The following PCDH15 variants were observed in gnomAD, a reference collection of about 807,000 sequenced individuals.
PCDH15 encodes the protein protocadherin related 15.
PCDH15 carries 129 observed loss-of-function variants against 178.5 expected under a neutral mutation model. The observed-to-expected ratio is 0.72, with a 90% CI of 0.63 to 0.84. The LOEUF (loss-of-function observed/expected upper bound fraction) is 0.84. Among genes scored for constraint, PCDH15 ranks in the 40% least tolerant of loss-of-function variants. PCDH15 has a pLI of 0.00. For missense variants in PCDH15, 2,230 were observed against 2,099.9 expected, an observed-to-expected ratio of 1.06 and a Z score of -1.21; for synonymous variants, 800 against 732.0, an observed-to-expected ratio of 1.09 and a Z score of -1.50.
chr10:54,686,753 CTA>C (rs2095019514), intron 1 of PCDH15, among the ~76,000 whole-genome samples: 1 of 152,012 alleles, frequency 6.6e-6, no homozygotes, highest in African/African-American at 2.4e-5. Flanking sequence ...TTCCAGTATT[CTA>C]TATGTCTGTT....
At position 55,073,350 on chromosome 10, in the gene PCDH15, C is replaced by T. The variant is rs574925605; in HGVS notation, c.-80+93226G>A. Among the ~76,000 whole-genome samples the T allele has an allele frequency of 2.6e-3, 392 of 152,008 alleles. 2 individuals carry two copies. The highest frequency in any genetic ancestry group is 9.0e-3 in the African/African-American group (373 of 41,466). Reference sequence around the variant, plus strand: ...GACATGATTGTATATCTAGAAAACCCCATTGTCTCAGCCCAAAATCTCCTT... The same window carrying T: ...GACATGATTGTATATCTAGAAAACCTCATTGTCTCAGCCCAAAATCTCCTT... On this transcript the variant is annotated intron_variant, in intron 2 of 5. Coordinates refer to the PCDH15 transcript ENST00000458638.
intron 3 of PCDH15, among the ~76,000 whole-genome samples, chr10:54,879,176 T>C (rs1457155977): frequency 9.5e-6 from 1 of 105,146 alleles, no homozygotes; most frequent in Non-Finnish European, 1.9e-5. Context: ...GCAGACCACG[T>C]GCTGTTTGTG....
intron 2 of PCDH15, among the ~76,000 whole-genome samples, chr10:55,410,747 T>C (rs115854228): frequency 0.01 from 1,583 of 152,200 alleles, 32 homozygotes; most frequent in African/African-American, 0.036. Flanking sequence ...AGAAAACAAC[T>C]GCTGCTCAGT....
chr10:54,215,659 G>A (rs1469358443), intron 9 of PCDH15, among the ~76,000 whole-genome samples: 1 of 152,140 alleles, frequency 6.6e-6, no homozygotes, highest in East Asian at 1.9e-4. Context: ...AAGAAAAAGA[G>A]ATAAGTTTAA....
At position 53,866,644 on chromosome 10, in the gene PCDH15, G is replaced by C. The variant is rs1207681284; in HGVS notation, c.3715C>G (p.Leu1239Val). 6.2e-7 allele frequency: 1 copy of C among 1,612,732 alleles called. No homozygotes were observed. Among genetic ancestry groups the C allele is most frequent in the Non-Finnish European group, 8.5e-7 (1 of 1,179,058 alleles). Residue 1239 changes from leucine to valine, a missense_variant and splice_region_variant, in exon 27 of 38, where the codon CTC becomes GTC. Transcript: ENST00000644397. ...GKGLSGKADV[L>V]VSVVNQLDMQ... ...TTCCTGAAGTTTTATCTACTTACGA[G>C]TACATCGGCTTTGCCGCTCAGTCCC...
At chr10:55,314,510 T>C (rs1843672962) in intron 1 of PCDH15, among the ~76,000 whole-genome samples, 1 of 151,878 alleles carries the variant, frequency 6.6e-6, no homozygotes, top group Admixed American at 6.6e-5. Flanking sequence ...AGCTATTTCT[T>C]ACTATCCGAC....
intron 3 of PCDH15, among the ~76,000 whole-genome samples, chr10:54,858,393 T>C (rs1953779568): frequency 1.3e-5 from 2 of 152,192 alleles, no homozygotes; most frequent in South Asian, 2.1e-4. Context: ...CTTGTTTGTA[T>C]AGCTGTTAGG....
chr10:54,826,441 T>C (rs1953133417), intron 3 of PCDH15, among the ~76,000 whole-genome samples: 1 of 151,800 alleles, frequency 6.6e-6, no homozygotes. Flanking sequence ...CAAAAAAAAA[T>C]TGAAATGAGA....
intron 7 of PCDH15, among the ~76,000 whole-genome samples, chr10:54,321,983 T>C (rs181527147): frequency 6.6e-6 from 1 of 152,088 alleles, no homozygotes; most frequent in East Asian, 1.9e-4. Flanking sequence ...TGTGAGCCCA[T>C]AATGGTAATG....
intron 18 of PCDH15, among the ~76,000 whole-genome samples, chr10:54,066,163 A>G (rs1372893321): frequency 6.6e-6 from 1 of 152,216 alleles, no homozygotes; most frequent in Non-Finnish European, 1.5e-5. Flanking sequence ...TATTATGTTC[A>G]AGACCAAGAA....
chr10:54,586,990 GAA>G, intron 2 of PCDH15, among the ~76,000 whole-genome samples: 1 of 152,104 alleles, frequency 6.6e-6, no homozygotes, highest in South Asian at 2.1e-4. Flanking sequence ...TTAAGGAGAT[GAA>G]AAAGTCTGAC....
At chr10:54,622,620 T>TATA (rs2093398861) in intron 2 of PCDH15, among the ~76,000 whole-genome samples, 1 of 40,276 alleles carries the variant, frequency 2.5e-5, no homozygotes, top group African/African-American at 1.1e-4. Flanking sequence ...TTATATATAA[T>TATA]ATATATAATA....
intron 1 of PCDH15, among the ~76,000 whole-genome samples, chr10:54,788,902 C>T (rs1951138441): frequency 6.6e-6 from 1 of 151,800 alleles, no homozygotes; most frequent in Non-Finnish European, 1.5e-5. Flanking sequence ...AAGTTGAATT[C>T]AAACTTATGA....
intron 2 of PCDH15, among the ~76,000 whole-genome samples, chr10:55,579,006 T>C (rs779240388): frequency 2.0e-5 from 3 of 152,116 alleles, no homozygotes; most frequent in African/African-American, 4.8e-5. Flanking sequence ...AATGTGAAAA[T>C]AGAAGAATAT....
At chr10:54,500,821 C>G (rs1032767646) in intron 3 of PCDH15, among the ~76,000 whole-genome samples, 1 of 152,016 alleles carries the variant, frequency 6.6e-6, no homozygotes, top group Non-Finnish European at 1.5e-5. Context: ...GAGACTCCAT[C>G]TCACTTGGAA....
At chr10:53,998,806 C>A (rs1806034128) in intron 20 of PCDH15, among the ~76,000 whole-genome samples, 1 of 151,934 alleles carries the variant, frequency 6.6e-6, no homozygotes, top group Admixed American at 6.6e-5. Flanking sequence ...AATTCCAACA[C>A]TTTGGGAGGC....
At chr10:54,834,091 T>A (rs921771380) in intron 3 of PCDH15, among the ~76,000 whole-genome samples, 2 of 152,152 alleles carry the variant, frequency 1.3e-5, no homozygotes, top group African/African-American at 4.8e-5. Context: ...AAAATGGAGA[T>A]GTTAATAATA....
At chr10:55,278,113 A>G (rs183399715) in intron 1 of PCDH15, among the ~76,000 whole-genome samples, 242 of 152,268 alleles carry the variant, frequency 1.6e-3, no homozygotes, top group African/African-American at 5.5e-3. Context: ...TTATGAACAG[A>G]TATGTTAATA....
chr10:53,967,617 T>A (rs532116739), intron 21 of PCDH15, among the ~76,000 whole-genome samples: 46 of 152,332 alleles, frequency 3.0e-4, no homozygotes, highest in African/African-American at 6.5e-4. Flanking sequence ...TTTTAAATTG[T>A]ATTAGGAATA....
Sources: gnomAD v4.1 joint callset for allele counts (sites outside exome capture counted in the v4.1 genomes callset) on GRCh38, gnomAD v4.1.1 for gene constraint, MANE v1.5 for transcripts, NCBI Gene and HGNC (gene_info 2026-07-23, HGNC 2026-07-21) for gene names.